The following NISCH variants were observed in gnomAD, a reference collection of about 807,000 sequenced individuals.
NISCH encodes the protein nischarin.
NISCH carries 55 observed loss-of-function variants against 138.4 expected under a neutral mutation model. The observed-to-expected ratio is 0.40, with a 90% CI of 0.32 to 0.50. NISCH has a LOEUF of 0.50. Ranked by LOEUF, NISCH falls within the 20% of genes least tolerant of loss-of-function variation. The pLI, the probability that NISCH is intolerant of heterozygous loss-of-function variation, is 0.71. For synonymous variants in NISCH, 860 were observed against 861.5 expected, an observed-to-expected ratio of 1.00 and a Z score of 0.03; for missense variants, 1,643 against 2,005.5, an observed-to-expected ratio of 0.82 and a Z score of 3.45.
At chr3:52,455,788 C>T in intron 1 of NISCH, 54 bp downstream of exon 1, 1 of 1,257,024 alleles carries the variant, frequency 8.0e-7, no homozygotes, top group East Asian at 2.9e-5. Context: ...AACCGGGAGT[C>T]CGACTCGGGG....
intron 3 of NISCH, among the ~76,000 whole-genome samples, chr3:52,469,209 C>T (rs991229234): frequency 2.0e-5 from 3 of 151,844 alleles, no homozygotes; most frequent in African/African-American, 7.3e-5. Context: ...CCATCTGGAG[C>T]TGTTTACGAA....
In NISCH at chr3:52,487,917, T is replaced by G; in HGVS notation, c.2425T>G (p.Ser809Ala). The change falls in exon 16 of 21, where the codon TCA becomes GCA. Residue 809 changes from serine to alanine, a missense_variant. By Grantham distance (99) the Ser-to-Ala change is moderately conservative. Coordinates refer to ENST00000345716, the MANE Select transcript of NISCH (RefSeq NM_007184.4). The surrounding 1 kb of genome is among the most constrained non-coding windows in gnomAD (Gnocchi z 9.1). Reference sequence around the variant, plus strand: ...GCACGAGTTCCACGCGGACCTGCGCTCATGCTTTGCACCCCAGCACATGGC... The same window carrying G: ...GCACGAGTTCCACGCGGACCTGCGCGCATGCTTTGCACCCCAGCACATGGC... ...NLHEFHADLRSCFAPQHMAML... is the reference protein window; with the variant it reads ...NLHEFHADLRACFAPQHMAML... 1 of 1,611,798 alleles carries G rather than the reference T, an allele frequency of 6.2e-7. No homozygotes were observed. The highest frequency in any genetic ancestry group is 8.5e-7 in the Non-Finnish European group (1 of 1,179,922).
At chr3:52,491,196 T>G (rs1707552107) in intron 19 of NISCH, among the ~76,000 whole-genome samples, 156 bp from the exon 20 acceptor site, 1 of 152,260 alleles carries the variant, frequency 6.6e-6, no homozygotes, top group African/African-American at 2.4e-5. Flanking sequence ...CCTGAAGGAA[T>G]GGCCTCCTCC....
chr3:52,489,395 T>C lies in NISCH; in HGVS notation c.3173T>C (p.Val1058Ala), dbSNP rs1409313026. The change falls in exon 17 of 21, where the codon GTC (valine) becomes GCC (alanine). Residue 1058 changes from valine to alanine, a missense_variant. Coordinates refer to ENST00000345716, the MANE Select transcript of NISCH (RefSeq NM_007184.4). ...GCTCTGGCCCCGGCCCCAGCGGAAG[T>C]CCCAGCTCCAGCCCCTGCAGCAGCC... The part of the protein sequence containing the change: ...AEALAPAPAE[V>A]PAPAPAAASA... 1 of 1,609,824 alleles carries C rather than the reference T, an allele frequency of 6.2e-7. No homozygotes were observed. Among genetic ancestry groups the C allele is most frequent in the Non-Finnish European group, 8.5e-7 (1 of 1,177,364 alleles).
intron 14 of NISCH, among the ~76,000 whole-genome samples, chr3:52,485,197 G>A (rs545143306): frequency 2.6e-5 from 4 of 152,262 alleles, no homozygotes; most frequent in South Asian, 4.1e-4. Flanking sequence ...TGTGTGCTTC[G>A]CAAATGTGCT....
chr3:52,464,517 CT>C (rs71084185), intron 3 of NISCH, among the ~76,000 whole-genome samples: 10 of 75,816 alleles, frequency 1.3e-4, no homozygotes, highest in South Asian at 1.1e-3. Flanking sequence ...TGTGAGTTGT[CT>C]TTTTTTTTTT....
rs766419232 is a variant in NISCH at position 52,489,409 on chromosome 3, C to T, written c.3187C>T (p.Pro1063Ser). The T allele has an allele frequency of 1.2e-6, 2 of 1,605,772 alleles. No homozygotes were observed. Among genetic ancestry groups the T allele is most frequent in the Non-Finnish European group, 1.7e-6 (2 of 1,173,588 alleles). The change falls in exon 17 of 21, where the codon CCT becomes TCT. Residue 1063 changes from proline to serine, a missense_variant. Coordinates refer to ENST00000345716, the MANE Select transcript of NISCH (RefSeq NM_007184.4). ...CCCAGCGGAAGTCCCAGCTCCAGCC[C>T]CTGCAGCAGCCTCAGCCTCAGGCCC... ...PAPAEVPAPA[P>S]AAASASGPAK...
chr3:52,484,462 T>TGCCCCCC, intron 13 of NISCH, 51 bp from the exon 14 acceptor site: 1 of 788,670 alleles, frequency 1.3e-6, no homozygotes, highest in Non-Finnish European at 1.8e-6. Context: ...ACAGCCGCTC[T>TGCCCCCC]CCCCGCCCCA....
At position 52,467,542 on chromosome 3, in the gene NISCH, C is replaced by T. The variant is rs1044666423; in HGVS notation, c.361-3317C>T. On this transcript the variant is annotated intron_variant, in intron 3 of 20. Coordinates refer to ENST00000345716, the MANE Select transcript of NISCH (RefSeq NM_007184.4). The stretch of plus-strand genomic sequence containing the variant: ...TTGGGGGCTGAGGCATTTCTGTGCT[C>T]TTCTCTGGTTCAGTCTCCCTCCCAA... 6.6e-5 allele frequency among the ~76,000 whole-genome samples: 10 copies of T among 152,290 alleles called. No individual in the cohort carries two copies. In the South Asian group the frequency reaches 8.3e-4, roughly 13 times the overall value.
At chr3:52,485,682 T>C in intron 14 of NISCH, 96 bp from the exon 15 acceptor site, 6 of 1,360,806 alleles carry the variant, frequency 4.4e-6, no homozygotes, top group Non-Finnish European at 6.2e-6. Context: ...AGGGCGGTGA[T>C]GGAGGGCAGA....
At chr3:52,471,040 C>T (rs1706931740) in intron 4 of NISCH, 133 bp downstream of exon 4, 1 of 844,876 alleles carries the variant, frequency 1.2e-6, no homozygotes. Context: ...GTCTGAGGAG[C>T]TGTGGTCCTT....
intron 13 of NISCH, among the ~76,000 whole-genome samples, chr3:52,483,965 T>C (rs1707343028): frequency 6.6e-6 from 1 of 152,244 alleles, no homozygotes; most frequent in African/African-American, 2.4e-5. Context: ...GAGGCAACAC[T>C]TGTCTCTTGT....
chr3:52,488,539 C>A lies in NISCH; in HGVS notation c.3047C>A (p.Thr1016Asn). 2 of 1,613,076 alleles carry A rather than the reference C, an allele frequency of 1.2e-6. No individual in the cohort carries two copies. Among genetic ancestry groups the A allele is most frequent in the Non-Finnish European group, 8.5e-7 (1 of 1,179,958 alleles). The part of the protein sequence containing the change: ...QDLKTVVIAK[T>N]PGTGGSPQGS... ...CTGAAGACTGTGGTCATCGCCAAGA[C>A]CCCCGGGACGGGAGGCAGCCCCCAG... Residue 1016 changes from threonine (T) to asparagine (N), a missense_variant, in exon 16 of 21, where the codon ACC becomes AAC. By Grantham distance (65) the Thr-to-Asn change is moderately conservative. Transcript: ENST00000345716.
chr3:52,491,679 A>T, intron 20 of NISCH, 166 bp downstream of exon 20: 1 of 1,047,210 alleles, frequency 9.5e-7, no homozygotes, highest in Non-Finnish European at 1.4e-6. Context: ...TCTCCACTCC[A>T]GCAGTCCCTC....
chr3:52,478,643 G>A (rs1316245131), intron 11 of NISCH, 66 bp downstream of exon 11: 19 of 1,435,194 alleles, frequency 1.3e-5, no homozygotes, highest in South Asian at 9.3e-5. Flanking sequence ...CTGCATGGGC[G>A]GTAGGGGGAT....
intron 19 of NISCH, 32 bp downstream of exon 19, chr3:52,490,865 G>A (rs370634523): frequency 2.5e-5 from 41 of 1,612,360 alleles, no homozygotes; most frequent in Middle Eastern, 1.7e-4. Context: ...GTCCTATTTC[G>A]GGTGAAGGCC....
intron 3 of NISCH, among the ~76,000 whole-genome samples, chr3:52,463,608 C>T (rs1386125288): frequency 6.6e-6 from 1 of 151,360 alleles, no homozygotes; most frequent in Non-Finnish European, 1.5e-5. Flanking sequence ...TTGCTTAACA[C>T]TTCTTGTCCA....
At position 52,477,459 on chromosome 3, in the gene NISCH, C is replaced by T. The variant is rs1406333713; in HGVS notation, c.919-115C>T. ...CCACCAGTGGTCCTGCAGGGACGGC[C>T]CGTGGGAGTCCATGGTCGGGAGGAA... is the stretch of plus-strand genomic sequence containing the variant. On this transcript the variant is annotated intron_variant, in intron 8 of 20. Transcript: ENST00000345716. 6.2e-6 allele frequency: 5 copies of T among 812,272 alleles called. No homozygotes were observed. The African/African-American group carries it at 8.4e-5, about 14-fold the overall frequency. The allele number at this position is 812,272 out of a possible 1,614,324, so 50.3% of individuals were successfully genotyped here.
At chr3:52,478,325 G>C in intron 10 of NISCH, 43 bp downstream of exon 10, 1 of 1,609,392 alleles carries the variant, frequency 6.2e-7, no homozygotes, top group Non-Finnish European at 8.5e-7. Flanking sequence ...CTGTGCCTTG[G>C]TGTGTATCAT....
Sources: allele counts gnomAD v4.1 joint callset (sites outside exome capture counted in the v4.1 genomes callset), GRCh38; gene constraint gnomAD v4.1.1; non-coding constraint Gnocchi (gnomAD v3.1); transcripts MANE v1.5; gene names NCBI Gene and HGNC (gene_info 2026-07-23, HGNC 2026-07-21).